NKAIN2: variants seen among roughly 807,000 people sequenced by gnomAD.
NKAIN2 encodes the protein sodium/potassium transporting ATPase interacting 2, also known as sodium/potassium-transporting ATPase subunit beta-1-interacting protein 2.
NKAIN2 carries 14 observed loss-of-function variants against 32.6 expected under a neutral mutation model. That is an observed-to-expected ratio of 0.43 (90% CI 0.28 to 0.67). NKAIN2 has a LOEUF of 0.67. NKAIN2 is among the 30% of genes least tolerant of loss of function. The pLI is 0.17. For missense variants in NKAIN2, 198 were observed against 258.3 expected (o/e 0.77, Z 1.60); for synonymous variants, 80 against 87.2 (o/e 0.92, Z 0.46).
chr6:124,319,306 C>T (rs148608172), intron 2 of NKAIN2, among the ~76,000 whole-genome samples: 14 of 152,178 alleles, frequency 9.2e-5, no homozygotes, highest in African/African-American at 2.9e-4. Flanking sequence ...TGTTCCATTT[C>T]GACATTCAAA....
chr6:124,004,521 T>C lies in NKAIN2; in HGVS notation c.54+200267T>C, dbSNP rs375718031. Among the ~76,000 whole-genome samples the C allele has an allele frequency of 2.6e-4, 39 of 151,904 alleles. No individual in the cohort carries two copies. In the East Asian group the frequency reaches 6.8e-3, roughly 27 times the overall value. ...CCGATCAACTGCTTTGTTTCAAAGG[T>C]GAACTTAAAGATTAAAAAAATTTTC... On this transcript the variant is annotated intron_variant, in intron 1 of 6. Coordinates refer to ENST00000368417, the MANE Select transcript of NKAIN2 (RefSeq NM_001040214.3).
intron 3 of NKAIN2, among the ~76,000 whole-genome samples, chr6:124,520,391 G>C (rs1025081180): frequency 2.0e-5 from 3 of 152,110 alleles, no homozygotes; most frequent in Admixed American, 6.5e-5. Context: ...CCCAGAAGCT[G>C]CTGCACAAGA....
At chr6:124,139,112 C>T (rs1468098729) in intron 1 of NKAIN2, among the ~76,000 whole-genome samples, 1 of 106,238 alleles carries the variant, frequency 9.4e-6, no homozygotes, top group Non-Finnish European at 1.7e-5. Flanking sequence ...GACGGAGTCT[C>T]GCTCTGTCGC....
At chr6:123,820,318 A>G (rs1256895896) in intron 1 of NKAIN2, among the ~76,000 whole-genome samples, 2 of 152,258 alleles carry the variant, frequency 1.3e-5, no homozygotes, top group East Asian at 3.8e-4. Flanking sequence ...CTTAGTGTTT[A>G]TATATAGGCA....
intron 3 of NKAIN2, among the ~76,000 whole-genome samples, chr6:124,634,971 G>C (rs1239436316): frequency 7.1e-6 from 1 of 141,002 alleles, no homozygotes; most frequent in Non-Finnish European, 1.6e-5. Context: ...GAAAGAGAAA[G>C]AAAGAAAGAG....
chr6:124,698,854 T>G (rs981823170), intron 4 of NKAIN2, among the ~76,000 whole-genome samples: 1 of 152,236 alleles, frequency 6.6e-6, no homozygotes, highest in Non-Finnish European at 1.5e-5. Context: ...TATTCATTTA[T>G]GCATCCCATA....
Position 124,341,519 on chromosome 6 carries a change from C to A in NKAIN2, c.193-13748C>A, listed in dbSNP as rs531250736. Among the ~76,000 whole-genome samples, 4 of 152,126 alleles carry A rather than the reference C, an allele frequency of 2.6e-5. No homozygotes were observed. The South Asian group carries it at 6.2e-4, about 24-fold the overall frequency. ...AAATATTTTCTAGAATAAGAAATTT[C>A]TATAAAGGGGGAAAACAAATCTTAT... On this transcript the variant is annotated intron_variant, in intron 2 of 6. Coordinates refer to ENST00000368417, the MANE Select transcript of NKAIN2 (RefSeq NM_001040214.3).
intron 1 of NKAIN2, among the ~76,000 whole-genome samples, chr6:123,907,200 A>G (rs1191270892): frequency 2.6e-5 from 4 of 152,222 alleles, no homozygotes; most frequent in Non-Finnish European, 4.4e-5. Flanking sequence ...CAAAATTCAT[A>G]GGAAAAAAAC....
At chr6:124,548,847 G>T (rs1780187091) in intron 3 of NKAIN2, among the ~76,000 whole-genome samples, 1 of 152,172 alleles carries the variant, frequency 6.6e-6, no homozygotes, top group Non-Finnish European at 1.5e-5. Flanking sequence ...TACTGACTTT[G>T]TAAAGTACAC....
At chr6:124,649,606 A>T (rs1398018701) in intron 3 of NKAIN2, among the ~76,000 whole-genome samples, 1 of 152,174 alleles carries the variant, frequency 6.6e-6, no homozygotes, top group African/African-American at 2.4e-5. Flanking sequence ...ACTTCGTAAC[A>T]CAGTCTATGA....
At chr6:124,127,399 G>A (rs1786226990) in intron 1 of NKAIN2, among the ~76,000 whole-genome samples, 1 of 152,198 alleles carries the variant, frequency 6.6e-6, no homozygotes, top group African/African-American at 2.4e-5. Context: ...CTTCATGATG[G>A]CCTTGACTTT....
intron 1 of NKAIN2, among the ~76,000 whole-genome samples, chr6:124,236,380 C>T (rs1489124833): frequency 6.6e-6 from 1 of 152,054 alleles, no homozygotes; most frequent in Non-Finnish European, 1.5e-5. Flanking sequence ...GGAGCCCATA[C>T]ACTTGAGGAA....
At chr6:124,542,444 G>A (rs1433656639) in intron 3 of NKAIN2, among the ~76,000 whole-genome samples, 1 of 151,936 alleles carries the variant, frequency 6.6e-6, no homozygotes, top group Non-Finnish European at 1.5e-5. Context: ...GATTCGAATA[G>A]GTGTCTTGGA....
chr6:123,937,155 A>T (rs1436805155), intron 1 of NKAIN2, among the ~76,000 whole-genome samples: 2 of 152,104 alleles, frequency 1.3e-5, no homozygotes, highest in Non-Finnish European at 2.9e-5. Context: ...ATATTTTAAC[A>T]TAATAGGTAT....
chr6:124,357,629 G>T (rs1323943090), intron 3 of NKAIN2, among the ~76,000 whole-genome samples: 1 of 152,060 alleles, frequency 6.6e-6, no homozygotes, highest in Non-Finnish European at 1.5e-5. Flanking sequence ...CATTCTGTGG[G>T]CTTTATATAT....
intron 1 of NKAIN2, among the ~76,000 whole-genome samples, chr6:124,274,284 T>C (rs979595696): frequency 1.3e-5 from 2 of 152,206 alleles, no homozygotes; most frequent in African/African-American, 4.8e-5. Flanking sequence ...AATAGAGTAA[T>C]AGTAATAATC....
chr6:124,392,638 G>C (rs1773192575), intron 3 of NKAIN2, among the ~76,000 whole-genome samples: 1 of 152,058 alleles, frequency 6.6e-6, no homozygotes, highest in Non-Finnish European at 1.5e-5. Context: ...ACTACAGTTG[G>C]TTATTTCGTA....
chr6:124,376,738 G>A (rs1236317318), intron 3 of NKAIN2, among the ~76,000 whole-genome samples: 1 of 151,908 alleles, frequency 6.6e-6, no homozygotes, highest in Non-Finnish European at 1.5e-5. Context: ...TTAGAATTAT[G>A]TTTTTATAAA....
chr6:123,902,619 T>C (rs1774657247), intron 1 of NKAIN2, among the ~76,000 whole-genome samples: 1 of 152,196 alleles, frequency 6.6e-6, no homozygotes, highest in South Asian at 2.1e-4. Context: ...GTTAGTACCA[T>C]CTTGAATCTC....
Sources: gnomAD v4.1 joint callset for allele counts (sites outside exome capture counted in the v4.1 genomes callset) on GRCh38, gnomAD v4.1.1 for gene constraint, MANE v1.5 for transcripts, NCBI Gene and HGNC (gene_info 2026-07-23, HGNC 2026-07-21) for gene names.